Variants in BEGAIN observed in about 807,000 individuals in gnomAD.
BEGAIN encodes brain-enriched guanylate kinase-associated protein.
A neutral mutation model predicts 35.8 loss-of-function variants in BEGAIN; 19 were observed. The ratio of observed to expected loss-of-function variants is 0.53; its 90% CI spans 0.37 to 0.78. The LOEUF (loss-of-function observed/expected upper bound fraction) is 0.78. Ranked by LOEUF, BEGAIN falls within the 30% of genes least tolerant of loss-of-function variation. BEGAIN has a pLI of 0.00. For synonymous variants in BEGAIN, 462 were observed against 388.6 expected, an observed-to-expected ratio of 1.19 and a Z score of -2.22; for missense variants, 795 against 853.6, an observed-to-expected ratio of 0.93 and a Z score of 0.85.
intron 1 of BEGAIN, among the ~76,000 whole-genome samples, chr14:100,583,570 C>T (rs1260377507): frequency 6.6e-6 from 1 of 152,146 alleles, no homozygotes; most frequent in Non-Finnish European, 1.5e-5. Context: ...GTCCACCCAC[C>T]CATCCCTATC....
At chr14:100,551,846 G>C (rs1477002491) in intron 2 of BEGAIN, among the ~76,000 whole-genome samples, 2 of 152,142 alleles carry the variant, frequency 1.3e-5, no homozygotes, top group African/African-American at 2.4e-5. Context: ...GCGGGGGTCT[G>C]ATGCCCCAGC....
intron 2 of BEGAIN, among the ~76,000 whole-genome samples, chr14:100,562,443 C>T (rs1259053225): frequency 1.3e-5 from 2 of 152,092 alleles, no homozygotes; most frequent in Non-Finnish European, 2.9e-5. Context: ...GCCTGTGTGC[C>T]CTCAAACCCG....
chr14:100,557,954 C>T (rs545633162), intron 2 of BEGAIN, among the ~76,000 whole-genome samples: 6 of 152,170 alleles, frequency 3.9e-5, no homozygotes, highest in Non-Finnish European at 7.3e-5. Flanking sequence ...CCCCGACACC[C>T]GGTGCCGCCC....
chr14:100,578,318 G>T (rs2035247041), intron 1 of BEGAIN, among the ~76,000 whole-genome samples: 1 of 152,256 alleles, frequency 6.6e-6, no homozygotes, highest in Non-Finnish European at 1.5e-5. Flanking sequence ...CAGGTGCGGT[G>T]CAGGGTGCAG....
At position 100,539,030 on chromosome 14, in the gene BEGAIN, G is replaced by A. The variant is rs1355159613; in HGVS notation, c.778C>T (p.Arg260Ter). ...TALYCPEERR[R>*]DRRPSVDAPV... is the part of the protein sequence containing the mutation. ...GCGTCCACGCTAGGCCGCCGGTCTC[G>A]CCGCCGCTCCTCCGGGCAGTAGAGG... The change falls in exon 7 of 7, where the codon CGA becomes TGA. Residue 260 changes from arginine to a stop codon, truncating the protein, a stop_gained. Transcript: ENST00000554140. LOFTEE classifies it high-confidence loss of function. The A allele has an allele frequency of 6.2e-7, 1 of 1,611,606 alleles. No individual in the cohort carries two copies. Among genetic ancestry groups the A allele is most frequent in the Admixed American group, 1.7e-5 (1 of 59,914 alleles).
chr14:100,547,636 A>G (rs1566965469), intron 2 of BEGAIN: 1 of 152,304 alleles, frequency 6.6e-6, no homozygotes, highest in Non-Finnish European at 1.5e-5. Flanking sequence ...TTTCCTTGCA[A>G]TGGGTGCACA....
chr14:100,548,730 G>A (rs1162779355), intron 2 of BEGAIN: 1 of 152,208 alleles, frequency 6.6e-6, no homozygotes, highest in African/African-American at 2.4e-5. Flanking sequence ...AGGGGAGGCA[G>A]ACAATGAGCT....
intron 1 of BEGAIN, among the ~76,000 whole-genome samples, chr14:100,577,077 G>C (rs1422144964): frequency 1.3e-5 from 2 of 152,116 alleles, no homozygotes; most frequent in Non-Finnish European, 2.9e-5. Context: ...AGTGGGGAGG[G>C]GATTATTATA....
chr14:100,585,893 C>G (rs527624029), intron 1 of BEGAIN, among the ~76,000 whole-genome samples: 71 of 152,268 alleles, frequency 4.7e-4, no homozygotes, highest in Non-Finnish European at 7.6e-4. Context: ...AGCCGCCCAT[C>G]GCCCAGAGCC....
At position 100,563,361 on chromosome 14, in the gene BEGAIN, C is replaced by T. The variant is rs569998665; in HGVS notation, c.71+4550G>A. Among the ~76,000 whole-genome samples, 8 of 152,326 alleles carry T rather than the reference C, an allele frequency of 5.3e-5. No individual in the cohort carries two copies. The highest frequency in any genetic ancestry group is 4.1e-4 in the South Asian group (2 of 4,828). On this transcript the variant is annotated intron_variant, in intron 2 of 6. Transcript: ENST00000554140. The surrounding 1 kb of genome is among the most constrained non-coding windows in gnomAD (Gnocchi z 4.2). ...GAGGGTTCCTTAAACAAGACACAAACGCTTTAATCAGAAAGTGAAAAAACC... is the reference window on the plus strand; with the variant it reads ...GAGGGTTCCTTAAACAAGACACAAATGCTTTAATCAGAAAGTGAAAAAACC...
chr14:100,551,571 A>C (rs561941447), intron 2 of BEGAIN, among the ~76,000 whole-genome samples: 2 of 152,360 alleles, frequency 1.3e-5, no homozygotes, highest in East Asian at 3.9e-4. Flanking sequence ...AGAAATGTTA[A>C]TGTAGTTATA....
At chr14:100,562,097 A>G (rs1215012003) in intron 2 of BEGAIN, among the ~76,000 whole-genome samples, 1 of 152,172 alleles carries the variant, frequency 6.6e-6, no homozygotes, top group Non-Finnish European at 1.5e-5. Context: ...GAAGTGGGGT[A>G]GAGAGCCTTG....
Position 100,568,926 on chromosome 14 carries a change from G to C in BEGAIN, c.43-987C>G. 1.0e-6 allele frequency: 1 copy of C among 983,838 alleles called. No homozygotes were observed. Among genetic ancestry groups the C allele is most frequent in the Non-Finnish European group, 1.2e-6 (1 of 829,464 alleles). The allele number at this position is 983,838 out of a possible 1,614,324, so 60.9% of individuals were successfully genotyped here. ...GGGAAGACTGATGACTGCCCATCCC[G>C]GCCCCTCGCGCCGGGCGCCGCCGCC... is the stretch of plus-strand genomic sequence containing the variant. On this transcript the variant is annotated intron_variant, in intron 1 of 6. Transcript: ENST00000554140. This position sits in a 1 kb window ranked among gnomAD's most constrained non-coding sequence, Gnocchi z 7.5.
rs56019134 is a variant in BEGAIN, at chr14:100,546,117, C to G, written c.233+384G>C. On this transcript the variant is annotated intron_variant, in intron 3 of 6. Transcript: ENST00000554140. The stretch of plus-strand genomic sequence containing the variant: ...TGGTTCATCTCCGGGCTAGACACAG[C>G]TTTTCCCATCAGGACCCAGGGAACC... 1,124 of 170,712 alleles carry G rather than the reference C, an allele frequency of 6.6e-3. 70 individuals carry two copies. The highest frequency in any genetic ancestry group is 0.024 in the African/African-American group (1,013 of 42,350). The allele number at this position is 170,712 out of a possible 1,614,324, so 10.6% of individuals were successfully genotyped here.
intron 3 of BEGAIN, 61 bp from the exon 4 acceptor site, chr14:100,545,127 G>A: frequency 6.2e-7 from 1 of 1,608,984 alleles, no homozygotes; most frequent in East Asian, 2.2e-5. Flanking sequence ...CGACCCTTAT[G>A]GCCGCACAGC....
chr14:100,557,131 G>A lies in BEGAIN; in HGVS notation c.72-10469C>T, dbSNP rs61992985. On this transcript the variant is annotated intron_variant, in intron 2 of 6. Transcript: ENST00000554140. ...CCCCAGTCCCAGCGCGGGCCCTGCC[G>A]GCCTCTTCCAGCCACACCCGAGTCA... Among the ~76,000 whole-genome samples, 49 of 107,056 alleles carry A rather than the reference G, an allele frequency of 4.6e-4. 1 individual carries two copies. In the South Asian group the frequency reaches 4.9e-3, roughly 11 times the overall value. 70.2% of individuals were successfully genotyped at this position (107,056 alleles called of 152,430 possible). A position where few individuals can be genotyped will look rare whatever the true frequency, so the allele number is the denominator to read the frequency against.
intron 1 of BEGAIN, among the ~76,000 whole-genome samples, chr14:100,584,795 C>T (rs2035397691): frequency 6.6e-6 from 1 of 152,132 alleles, no homozygotes; most frequent in African/African-American, 2.4e-5. Flanking sequence ...TGCAGACCTC[C>T]GTCCAGGCCT....
At chr14:100,565,566 C>T (rs2034620054) in intron 2 of BEGAIN, among the ~76,000 whole-genome samples, 1 of 152,112 alleles carries the variant, frequency 6.6e-6, no homozygotes, top group South Asian at 2.1e-4. Flanking sequence ...AGGACCAGCA[C>T]TCTCAGAGCT....
At chr14:100,540,425 G>C (rs1456430979) in intron 6 of BEGAIN, 71 bp downstream of exon 6, 6 of 1,174,194 alleles carry the variant, frequency 5.1e-6, no homozygotes, top group African/African-American at 1.5e-5. Flanking sequence ...AAATGGCTTT[G>C]GGGTAGCACT....
Sources: allele counts gnomAD v4.1 joint callset (sites outside exome capture counted in the v4.1 genomes callset), GRCh38; gene constraint gnomAD v4.1.1; non-coding constraint Gnocchi (gnomAD v3.1); transcripts MANE v1.5; gene names NCBI Gene and HGNC (gene_info 2026-07-23, HGNC 2026-07-21).